The following TTLL10 variants were observed in gnomAD, a reference collection of about 807,000 sequenced individuals.
The protein encoded by TTLL10 is tubulin tyrosine ligase like 10.
A neutral mutation model predicts 69.0 loss-of-function variants in TTLL10; 61 were observed. That is an observed-to-expected ratio of 0.88 (90% CI 0.72 to 1.09). The LOEUF is 1.09. Ranked by LOEUF, TTLL10 falls within the 50% of genes least tolerant of loss-of-function variation. The probability of loss-of-function intolerance (pLI) is 0.00; values close to 1 mark genes in which losing one functional copy is unlikely to be tolerated. For missense variants in TTLL10, 962 were observed against 945.9 expected (o/e 1.02, Z -0.22); for synonymous variants, 408 against 393.3 (o/e 1.04, Z -0.44).
rs199909291 is a variant in TTLL10 at position 1,183,967 on chromosome 1, G to T, written c.1136G>T (p.Arg379Leu). 20 of 1,614,058 alleles carry T rather than the reference G, an allele frequency of 1.2e-5. No homozygotes were observed. The highest frequency in any genetic ancestry group is 4.2e-6 in the Non-Finnish European group (5 of 1,180,036). Residue 379 changes from arginine to leucine, a missense_variant, in exon 12 of 16, where the codon CGC (arginine) becomes CTC (leucine). Coordinates refer to ENST00000379289, the MANE Select transcript of TTLL10 (RefSeq NM_001130045.2). ...GTGGACGGGAGAAAGTTTGACGTGCGCTCCTACCTGCTCATTGCCTGCACC... is the reference window on the plus strand; with the variant it reads ...GTGGACGGGAGAAAGTTTGACGTGCTCTCCTACCTGCTCATTGCCTGCACC... ...LLVDGRKFDV[R>L]SYLLIACTTP...
intron 3 of TTLL10, 85 bp from the exon 4 acceptor site, chr1:1,179,104 C>G: frequency 1.1e-6 from 1 of 920,376 alleles, no homozygotes; most frequent in Non-Finnish European, 1.6e-6. Flanking sequence ...GCAGGGTGGG[C>G]CTGACTGCCT....
chr1:1,181,683 C>A lies in TTLL10; in HGVS notation c.756-58C>A. 9 of 1,512,084 alleles carry A rather than the reference C, an allele frequency of 6.0e-6. No homozygotes were observed. The highest frequency in any genetic ancestry group is 1.2e-5 in the South Asian group (1 of 82,048). 93.7% of individuals were successfully genotyped at this position (1,512,084 alleles called of 1,614,324 possible). A position where few individuals can be genotyped will look rare whatever the true frequency, so the allele number is the denominator to read the frequency against. On this transcript the variant is annotated intron_variant, in intron 8 of 15. Coordinates refer to ENST00000379289, the MANE Select transcript of TTLL10 (RefSeq NM_001130045.2). This position sits in a 1 kb window ranked among gnomAD's most constrained non-coding sequence, Gnocchi z 4.6. The stretch of plus-strand genomic sequence containing the variant: ...CATGCCCCATCCCCCAGTCCCCACC[C>A]GCTCCAAGCACCATGAGCTGGCCCC...
chr1:1,190,919 G>A (rs779394774), intron 13 of TTLL10, among the ~76,000 whole-genome samples: 23 of 152,012 alleles, frequency 1.5e-4, no homozygotes, highest in Middle Eastern at 3.4e-3. Flanking sequence ...TCTGCCTCCC[G>A]GGTTCAAGCG....
Position 1,185,763 on chromosome 1 carries a change from G to A in TTLL10, c.1401+654G>A. The A allele has an allele frequency of 1.0e-6, 1 of 985,500 alleles. No individual in the cohort carries two copies. The highest frequency in any genetic ancestry group is 1.2e-6 in the Non-Finnish European group (1 of 829,952). 61.0% of individuals were successfully genotyped at this position (985,500 alleles called of 1,614,324 possible). ...CCCACAGGCGTGTGTCACTGTGGCT[G>A]GGACGGCAGCGCTCAGAGGAGCCTC... is the stretch of plus-strand genomic sequence containing the variant. On this transcript the variant is annotated intron_variant, in intron 13 of 15. Transcript: ENST00000379289. This position sits in a 1 kb window ranked among gnomAD's most constrained non-coding sequence, Gnocchi z 6.1.
rs529080591 is a variant in TTLL10, at chr1:1,185,581, G to A, written c.1401+472G>A. On this transcript the variant is annotated intron_variant, in intron 13 of 15. Coordinates refer to ENST00000379289, the MANE Select transcript of TTLL10 (RefSeq NM_001130045.2). The surrounding 1 kb of genome is among the most constrained non-coding windows in gnomAD (Gnocchi z 6.1). Reference sequence around the variant, plus strand: ...TTTTGCAGGGTTCCTTTCTGTGGGGGTACCTGTGGGGTACTTCAAACAGCC... The same window carrying A: ...TTTTGCAGGGTTCCTTTCTGTGGGGATACCTGTGGGGTACTTCAAACAGCC... 2 of 991,050 alleles carry A rather than the reference G, an allele frequency of 2.0e-6. No homozygotes were observed. The highest frequency in any genetic ancestry group is 1.1e-4 in the East Asian group (1 of 8,984). The allele number at this position is 991,050 out of a possible 1,614,324, so 61.4% of individuals were successfully genotyped here. A position where few individuals can be genotyped will look rare whatever the true frequency, so the allele number is the denominator to read the frequency against.
At position 1,176,508 on chromosome 1, in the gene TTLL10, T is replaced by TCACCTTTTCCCACCTCCA. The variant is rs563230438; in HGVS notation, c.-28+2043_-28+2060dup. ...GCTTCCCGGAGGGACGGATGTCTCCTCACCTTTTCCCACCTCCACACCTTT... is the reference window on the plus strand; with the variant it reads ...GCTTCCCGGAGGGACGGATGTCTCCTCACCTTTTCCCACCTCCACACCTTTTCCCACCTCCACACCTTT... On this transcript the variant is annotated intron_variant, in intron 3 of 15. Coordinates refer to ENST00000379289, the MANE Select transcript of TTLL10 (RefSeq NM_001130045.2). 94 of 423,490 alleles carry TCACCTTTTCCCACCTCCA rather than the reference T, an allele frequency of 2.2e-4. 1 individual carries two copies. The highest frequency in any genetic ancestry group is 1.5e-3 in the African/African-American group (76 of 49,564). 26.2% of individuals were successfully genotyped at this position (423,490 alleles called of 1,614,324 possible).
intron 13 of TTLL10, among the ~76,000 whole-genome samples, chr1:1,187,726 G>A (rs12401472): frequency 0.13 from 20,444 of 152,124 alleles, 2,521 homozygotes; most frequent in East Asian, 0.59. Context: ...CCAATGTGGA[G>A]AAACCCCATC....
chr1:1,180,338 A>C lies in TTLL10; in HGVS notation c.504A>C (p.Thr168=), dbSNP rs757384150. The stretch of plus-strand genomic sequence containing the variant: ...ACATTGGAGGCAGCAACGGGGCCAC[A>C]ATGTGAGTAGCGGCCCTGGGCGCCC... The part of the protein sequence containing the change: ...FFYIGGSNGA[T]IISSYCKSKG... Residue 168 remains threonine, a splice_region_variant and synonymous_variant, in exon 6 of 16, where the codon ACA becomes ACC. Transcript: ENST00000379289. The C allele has an allele frequency of 5.1e-6, 8 of 1,567,458 alleles. No individual in the cohort carries two copies. The highest frequency in any genetic ancestry group is 6.9e-6 in the Non-Finnish European group (8 of 1,156,794).
rs1436769165 is a variant in TTLL10 at position 1,197,321 on chromosome 1, CCT to C, written c.1613-116_1613-115del. The C allele has an allele frequency of 8.7e-5, 114 of 1,303,558 alleles. 4 individuals carry two copies. The South Asian group carries it at 1.5e-3, about 17-fold the overall frequency. The allele number at this position is 1,303,558 out of a possible 1,614,324, so 80.7% of individuals were successfully genotyped here. ...GAGGGCCTGTGTGGCAGCGCCGCCCCCTGCCCCAACCTTCCCCACACCTCAGC... is the reference window on the plus strand; with the variant it reads ...GAGGGCCTGTGTGGCAGCGCCGCCCCGCCCCAACCTTCCCCACACCTCAGC... On this transcript the variant is annotated intron_variant, in intron 15 of 15. Transcript: ENST00000379289.
chr1:1,180,889 C>T (rs1387598480), intron 8 of TTLL10, 29 bp downstream of exon 8: 1 of 1,527,130 alleles, frequency 6.5e-7, no homozygotes, highest in Non-Finnish European at 8.8e-7. Flanking sequence ...CTGCCCCCGT[C>T]CCTGCGCCCG....
chr1:1,193,350 T>C (rs1180933791), intron 13 of TTLL10, among the ~76,000 whole-genome samples: 1 of 152,046 alleles, frequency 6.6e-6, no homozygotes, highest in African/African-American at 2.4e-5. Flanking sequence ...TAATAATTAC[T>C]GATAAGGTAG....
At position 1,179,750 on chromosome 1, in the gene TTLL10, G is replaced by T. The variant is rs962743865; in HGVS notation, c.199+13G>T. 4.5e-6 allele frequency: 7 copies of T among 1,542,978 alleles called. No individual in the cohort carries two copies. The East Asian group carries it at 1.7e-4, about 38-fold the overall frequency. On this transcript the variant is annotated intron_variant, in intron 5 of 15. Coordinates refer to ENST00000379289, the MANE Select transcript of TTLL10 (RefSeq NM_001130045.2). ...CACTGCCCTGTTGGTGAGGAGGGTC[G>T]GAGGGGCGACCTCCCTGCCCCCTGC...
In TTLL10 at chr1:1,181,096, C is replaced by T. The variant is rs972669385; in HGVS notation, c.755+236C>T. Among the ~76,000 whole-genome samples, 6 of 151,136 alleles carry T rather than the reference C, an allele frequency of 4.0e-5. No homozygotes were observed. The highest frequency in any genetic ancestry group is 5.9e-5 in the Non-Finnish European group (4 of 67,742). On this transcript the variant is annotated intron_variant, in intron 8 of 15. Coordinates refer to ENST00000379289, the MANE Select transcript of TTLL10 (RefSeq NM_001130045.2). This position sits in a 1 kb window ranked among gnomAD's most constrained non-coding sequence, Gnocchi z 4.6. ...CCCACCCGTCAGCACCTGCCTCCAC[C>T]TTCCACCTGTCCTTTAAAGGGCCAA...
rs758930415 is a variant in TTLL10, at chr1:1,183,901, C to T, written c.1089-19C>T. On this transcript the variant is annotated intron_variant, in intron 11 of 15. Transcript: ENST00000379289. ...TGGCCCCGTGGCTCAGCCCAGCAGC[C>T]CCGACATGGTGCCCCCAGGTACATC... 1.2e-6 allele frequency: 2 copies of T among 1,613,914 alleles called. No individual in the cohort carries two copies. The highest frequency in any genetic ancestry group is 1.1e-5 in the South Asian group (1 of 91,080).
At chr1:1,195,053 A>G (rs1373166410) in intron 13 of TTLL10, among the ~76,000 whole-genome samples, 2 of 152,018 alleles carry the variant, frequency 1.3e-5, no homozygotes, top group Admixed American at 6.6e-5. Flanking sequence ...CAGTGGTGCA[A>G]TCTCAGCTCA....
chr1:1,182,187 G>A (rs948554425), intron 9 of TTLL10, among the ~76,000 whole-genome samples, 174 bp from the exon 10 acceptor site: 3 of 152,220 alleles, frequency 2.0e-5, no homozygotes, highest in African/African-American at 2.4e-5. Flanking sequence ...CAGCCCGTTG[G>A]GGGGGTGCTG....
rs1647215087 is a variant in TTLL10 at position 1,185,002 on chromosome 1, C to T, written c.1294C>T (p.Leu432=). ...MQKKSPLYML[L]KEHTVWSMEH... is the part of the protein sequence containing the mutation. ...GAAGAAGAGCCCTCTGTACATGCTGCTGAAGGAGCACACGGTGTGGAGCAT... is the reference window on the plus strand; with the variant it reads ...GAAGAAGAGCCCTCTGTACATGCTGTTGAAGGAGCACACGGTGTGGAGCAT... The change falls in exon 13 of 16, where the codon CTG becomes TTG. Residue 432 remains leucine (L), a synonymous_variant. Coordinates refer to ENST00000379289, the MANE Select transcript of TTLL10 (RefSeq NM_001130045.2). This position sits in a 1 kb window ranked among gnomAD's most constrained non-coding sequence, Gnocchi z 6.1. 6.2e-7 allele frequency: 1 copy of T among 1,613,674 alleles called. No homozygotes were observed. The highest frequency in any genetic ancestry group is 1.3e-5 in the African/African-American group (1 of 74,954).
chr1:1,185,283 G>T lies in TTLL10; in HGVS notation c.1401+174G>T. 7.1e-7 allele frequency: 1 copy of T among 1,414,864 alleles called. No homozygotes were observed. The highest frequency in any genetic ancestry group is 9.2e-7 in the Non-Finnish European group (1 of 1,087,474). 87.6% of individuals were successfully genotyped at this position (1,414,864 alleles called of 1,614,324 possible). On this transcript the variant is annotated intron_variant, in intron 13 of 15. Transcript: ENST00000379289. The surrounding 1 kb of genome is among the most constrained non-coding windows in gnomAD (Gnocchi z 6.1). The stretch of plus-strand genomic sequence containing the variant: ...AGCGTCTCTGCTCACTTAGCTGGCA[G>T]TGCCTGTCCCCAGCAGCCAGCAAAG...
chr1:1,175,843 G>A (rs1447996087), intron 3 of TTLL10: 22 of 394,396 alleles, frequency 5.6e-5, no homozygotes, highest in African/African-American at 1.6e-4. Context: ...AGAGGCTGCC[G>A]CTGTGCCGGT....
Sources: allele counts gnomAD v4.1 joint callset (sites outside exome capture counted in the v4.1 genomes callset), GRCh38; gene constraint gnomAD v4.1.1; non-coding constraint Gnocchi (gnomAD v3.1); transcripts MANE v1.5; gene names NCBI Gene and HGNC (gene_info 2026-07-23, HGNC 2026-07-21).